The following FKBP5 variants were observed in gnomAD, a reference collection of about 807,000 sequenced individuals.
FKBP5 encodes the protein peptidyl-prolyl cis-trans isomerase FKBP5.
A neutral mutation model predicts 50.5 loss-of-function variants in FKBP5; 23 were observed. The observed-to-expected ratio is 0.46, with a 90% CI of 0.33 to 0.65. The LOEUF (loss-of-function observed/expected upper bound fraction) is 0.65. FKBP5 is among the 30% of genes least tolerant of loss of function. The pLI is 0.02. For synonymous variants in FKBP5, 176 were observed against 190.6 expected, an observed-to-expected ratio of 0.92 and a Z score of 0.63; for missense variants, 411 against 553.1, an observed-to-expected ratio of 0.74 and a Z score of 2.58.
intron 2 of FKBP5, among the ~76,000 whole-genome samples, chr6:35,695,720 T>A (rs2151017170): frequency 6.6e-6 from 1 of 152,170 alleles, no homozygotes; most frequent in East Asian, 1.9e-4. Context: ...CAATGAGCAA[T>A]CCAAAGATGA....
At chr6:35,674,739 G>T (rs1407270590) in intron 1 of FKBP5, among the ~76,000 whole-genome samples, 1 of 152,184 alleles carries the variant, frequency 6.6e-6, no homozygotes, top group African/African-American at 2.4e-5. Context: ...GCAGAACTAG[G>T]ATTCAAACAC....
intron 1 of FKBP5, among the ~76,000 whole-genome samples, chr6:35,669,278 T>G (rs957046904): frequency 1.3e-5 from 2 of 152,224 alleles, no homozygotes; most frequent in African/African-American, 4.8e-5. Flanking sequence ...AGGAATTCAA[T>G]TGATGTGCCA....
chr6:35,662,853 C>A (rs1482143511), intron 1 of FKBP5, among the ~76,000 whole-genome samples: 1 of 152,066 alleles, frequency 6.6e-6, no homozygotes, highest in Non-Finnish European at 1.5e-5. Flanking sequence ...GTCTGTAAGA[C>A]CCTGTTCTAG....
intron 1 of FKBP5, among the ~76,000 whole-genome samples, chr6:35,684,017 G>A (rs1333346765): frequency 6.6e-6 from 1 of 152,006 alleles, no homozygotes; most frequent in Non-Finnish European, 1.5e-5. Context: ...CTGTACCGCT[G>A]CACTCCAGCC....
chr6:35,690,329 CCGGG>C (rs1463287609), upstream of FKBP5, among the ~76,000 whole-genome samples: 1 of 151,924 alleles, frequency 6.6e-6, no homozygotes, highest in Non-Finnish European at 1.5e-5. Flanking sequence ...AAAAAATTAG[CCGGG>C]CATGGTGGCG....
At chr6:35,688,523 C>A (rs1466520945) in intron 1 of FKBP5, among the ~76,000 whole-genome samples, 1 of 151,536 alleles carries the variant, frequency 6.6e-6, no homozygotes, top group Admixed American at 6.6e-5. Context: ...CGGAGAGCGG[C>A]GCCCGCGGTC....
chr6:35,704,604 T>C lies in FKBP5; in HGVS notation c.-20+15724A>G, dbSNP rs142809190. Among the ~76,000 whole-genome samples, 17 of 152,290 alleles carry C rather than the reference T, an allele frequency of 1.1e-4. No individual in the cohort carries two copies. In the East Asian group the frequency reaches 2.9e-3, roughly 26 times the overall value. On this transcript the variant is annotated intron_variant, in intron 2 of 11. Transcript: ENST00000536438. ...AGCTTGTCAACATGTTTTTTTGGGA[T>C]TTATAGATACCATATATCACATATA...
At chr6:35,680,077 C>G (rs1351988747) in intron 1 of FKBP5, among the ~76,000 whole-genome samples, 1 of 151,386 alleles carries the variant, frequency 6.6e-6, no homozygotes, top group Non-Finnish European at 1.5e-5. Context: ...ATCTTCTACT[C>G]GACTATATGA....
At chr6:35,667,450 T>C (rs1365231002) in intron 1 of FKBP5, among the ~76,000 whole-genome samples, 1 of 152,190 alleles carries the variant, frequency 6.6e-6, no homozygotes, top group African/African-American at 2.4e-5. Flanking sequence ...TATTAATTAA[T>C]AGAATCATTA....
At chr6:35,722,343 A>T (rs948921419) in intron 1 of FKBP5, among the ~76,000 whole-genome samples, 26 of 152,196 alleles carry the variant, frequency 1.7e-4, no homozygotes, top group Non-Finnish European at 4.4e-5. Context: ...GAGCTTTGGA[A>T]ATAGCATTAT....
intron 5 of FKBP5, among the ~76,000 whole-genome samples, chr6:35,605,845 G>A (rs1763297411): frequency 6.6e-6 from 1 of 152,144 alleles, no homozygotes; most frequent in African/African-American, 2.4e-5. Context: ...GAGCAATCAG[G>A]CAAGAGAAAG....
intron 8 of FKBP5, chr6:35,581,248 T>C (rs1011943913): frequency 4.5e-6 from 3 of 665,138 alleles, no homozygotes; most frequent in Non-Finnish European, 5.5e-6. Flanking sequence ...CAGTTATATA[T>C]AATATATATA....
At chr6:35,597,528 G>T in intron 5 of FKBP5, 124 bp from the exon 6 acceptor site, 2 of 1,134,872 alleles carry the variant, frequency 1.8e-6, no homozygotes, top group Non-Finnish European at 2.4e-6. Context: ...TTCATCAAGA[G>T]ACACACACAG....
intron 3 of FKBP5, among the ~76,000 whole-genome samples, chr6:35,624,109 A>T (rs1055907217): frequency 6.6e-6 from 1 of 152,112 alleles, no homozygotes; most frequent in African/African-American, 2.4e-5. Flanking sequence ...CTGAGACTAC[A>T]GGCACCTGGC....
intron 1 of FKBP5, among the ~76,000 whole-genome samples, chr6:35,721,214 T>C (rs1280524461): frequency 6.6e-6 from 1 of 151,918 alleles, no homozygotes; most frequent in Non-Finnish European, 1.5e-5. Context: ...TAGCCAGGCA[T>C]GGTGGCAGGC....
At chr6:35,653,514 G>A (rs1764869856) in intron 1 of FKBP5, among the ~76,000 whole-genome samples, 1 of 152,174 alleles carries the variant, frequency 6.6e-6, no homozygotes, top group South Asian at 2.1e-4. Flanking sequence ...CATGATATCT[G>A]GAGTTAAAGG....
At chr6:35,675,884 C>T (rs958288139) in intron 1 of FKBP5, among the ~76,000 whole-genome samples, 8 of 152,092 alleles carry the variant, frequency 5.3e-5, no homozygotes, top group Non-Finnish European at 1.0e-4. Context: ...TTCCTTCTAC[C>T]CTCAGGCTTG....
intron 8 of FKBP5, chr6:35,581,085 A>C (rs1762413281): frequency 1.0e-6 from 1 of 963,882 alleles, no homozygotes; most frequent in African/African-American, 1.8e-5. Flanking sequence ...GTTTCAGTTA[A>C]ACTGTACTTA....
chr6:35,606,990 G>C (rs1581808272), intron 5 of FKBP5, among the ~76,000 whole-genome samples: 1 of 152,156 alleles, frequency 6.6e-6, no homozygotes, highest in Non-Finnish European at 1.5e-5. Flanking sequence ...GCCCAGGCTG[G>C]ACTGCAGTGG....
Sources: gnomAD v4.1 joint callset for allele counts (sites outside exome capture counted in the v4.1 genomes callset) on GRCh38, gnomAD v4.1.1 for gene constraint, MANE v1.5 for transcripts, NCBI Gene and HGNC (gene_info 2026-07-23, HGNC 2026-07-21) for gene names.